Variants in MAP3K7CL observed in about 807,000 individuals in gnomAD.
MAP3K7CL encodes the protein MAP3K7 C-terminal-like protein.
MAP3K7CL carries 16 observed loss-of-function variants against 18.6 expected under a neutral mutation model. The observed-to-expected ratio is 0.86, with a 90% confidence interval of 0.58 to 1.31. MAP3K7CL has a LOEUF of 1.31. MAP3K7CL is among the 50% of genes most tolerant of loss of function. MAP3K7CL has a pLI of 0.00. For synonymous variants in MAP3K7CL, 65 were observed against 66.8 expected (o/e 0.97, Z 0.13); for missense variants, 163 against 174.4 (o/e 0.93, Z 0.37).
intron 4 of MAP3K7CL, among the ~76,000 whole-genome samples, chr21:29,164,134 A>G (rs73897267): frequency 0.031 from 4,655 of 152,218 alleles, 204 homozygotes; most frequent in African/African-American, 0.096. Flanking sequence ...TACATTGTTA[A>G]ATTGGGAAAT....
At chr21:29,134,323 A>G (rs542353565) in intron 2 of MAP3K7CL, among the ~76,000 whole-genome samples, 2 of 151,902 alleles carry the variant, frequency 1.3e-5, no homozygotes, top group South Asian at 4.2e-4. Flanking sequence ...TTTTGAGACC[A>G]CCCTGGGCAA....
At chr21:29,107,687 A>G (rs1302696424) in intron 4 of MAP3K7CL, among the ~76,000 whole-genome samples, 1 of 152,198 alleles carries the variant, frequency 6.6e-6, no homozygotes, top group Non-Finnish European at 1.5e-5. Context: ...AGTTATGAAA[A>G]AAATAGGGAC....
At chr21:29,169,313 C>G (rs2087767704) in intron 4 of MAP3K7CL, among the ~76,000 whole-genome samples, 1 of 152,194 alleles carries the variant, frequency 6.6e-6, no homozygotes, top group South Asian at 2.1e-4. Flanking sequence ...AGCATTTGTA[C>G]AGCTTCAACA....
At chr21:29,102,865 T>A (rs7284006) in intron 4 of MAP3K7CL, among the ~76,000 whole-genome samples, 57,718 of 151,990 alleles carry the variant, frequency 0.38, 12,253 homozygotes, top group South Asian at 0.52. Flanking sequence ...GAGGGGTCCA[T>A]GTAATGAGGA....
intron 3 of MAP3K7CL, among the ~76,000 whole-genome samples, chr21:29,152,440 T>A (rs573405593): frequency 6.6e-6 from 1 of 152,360 alleles, no homozygotes; most frequent in Non-Finnish European, 1.5e-5. Flanking sequence ...TACACAGTAA[T>A]GGCTCTTGGA....
chr21:29,097,332 A>T (rs2086140772), intron 4 of MAP3K7CL, among the ~76,000 whole-genome samples: 1 of 152,174 alleles, frequency 6.6e-6, no homozygotes, highest in East Asian at 1.9e-4. Context: ...AGGGTAGTAG[A>T]TAGATATTTA....
At chr21:29,150,837 T>C (rs1049121977) in intron 3 of MAP3K7CL, among the ~76,000 whole-genome samples, 3 of 150,288 alleles carry the variant, frequency 2.0e-5, no homozygotes, top group Non-Finnish European at 3.0e-5. Flanking sequence ...TGATGTGATC[T>C]CGGCTCACTG....
chr21:29,111,914 A>C (rs1039106098), intron 4 of MAP3K7CL, among the ~76,000 whole-genome samples: 1 of 152,162 alleles, frequency 6.6e-6, no homozygotes, highest in Admixed American at 6.5e-5. Context: ...GCCAGCTCTC[A>C]TTCTTATGTC....
At chr21:29,108,929 A>G in intron 4 of MAP3K7CL, 1 of 968,550 alleles carries the variant, frequency 1.0e-6, no homozygotes. Context: ...AGTCAAAATG[A>G]GAAATGCATG....
chr21:29,103,785 C>T (rs1831646161), intron 4 of MAP3K7CL, among the ~76,000 whole-genome samples: 1 of 151,390 alleles, frequency 6.6e-6, no homozygotes, highest in African/African-American at 2.4e-5. Context: ...GTAGTCCCAG[C>T]TACTCAGGGA....
upstream of MAP3K7CL, among the ~76,000 whole-genome samples, chr21:29,127,481 C>G (rs1298677446): frequency 2.0e-5 from 3 of 152,124 alleles, no homozygotes; most frequent in Non-Finnish European, 2.9e-5. Context: ...ATTTGTTACT[C>G]TCTTGAAAGT....
chr21:29,080,073 TTATTTCAGGTGACTTGAGAGAGAAGG>T, intron 1 of MAP3K7CL, among the ~76,000 whole-genome samples: 1 of 152,326 alleles, frequency 6.6e-6, no homozygotes, highest in South Asian at 2.1e-4. Flanking sequence ...GATGAAATCT[TTATTTCAGGTGACTTGAGAGAGAAGG>T]TTCTCTTGAG....
chr21:29,086,841 T>A (rs1192065967), intron 1 of MAP3K7CL, among the ~76,000 whole-genome samples: 1 of 152,220 alleles, frequency 6.6e-6, no homozygotes, highest in Admixed American at 6.5e-5. Context: ...ATATCAACAA[T>A]GATTATGATG....
chr21:29,122,765 C>T (rs560057674), intron 4 of MAP3K7CL, among the ~76,000 whole-genome samples: 7 of 152,052 alleles, frequency 4.6e-5, no homozygotes, highest in Non-Finnish European at 8.8e-5. Flanking sequence ...AGGCAACATT[C>T]GGGTGGGAAA....
intron 4 of MAP3K7CL, chr21:29,109,162 T>C (rs1448108970): frequency 1.3e-6 from 2 of 1,535,434 alleles, no homozygotes; most frequent in African/African-American, 1.4e-5. Context: ...CCTAACGCCC[T>C]TTCCACCAGT....
chr21:29,168,042 A>G (rs1056240625), intron 4 of MAP3K7CL, among the ~76,000 whole-genome samples: 19 of 152,152 alleles, frequency 1.2e-4, no homozygotes, highest in Non-Finnish European at 2.4e-4. Context: ...CCTTCAGGGT[A>G]TGACTTTCTT....
intron 3 of MAP3K7CL, among the ~76,000 whole-genome samples, chr21:29,154,835 C>T (rs1244447642): frequency 6.6e-6 from 1 of 152,130 alleles, no homozygotes; most frequent in Non-Finnish European, 1.5e-5. Context: ...TTGCTGTGTC[C>T]ACACAGAAAA....
At chr21:29,105,410 A>G (rs961617242) in intron 4 of MAP3K7CL, among the ~76,000 whole-genome samples, 4 of 152,266 alleles carry the variant, frequency 2.6e-5, no homozygotes, top group Admixed American at 1.3e-4. Flanking sequence ...AACCAAGATG[A>G]TAAGGATGAG....
chr21:29,174,109 C>T (rs2087908663), intron 4 of MAP3K7CL, among the ~76,000 whole-genome samples: 1 of 152,198 alleles, frequency 6.6e-6, no homozygotes, highest in South Asian at 2.1e-4. Context: ...GTAGCTTCAG[C>T]CTGCTTCCTC....
Sources: gnomAD v4.1 joint callset for allele counts (sites outside exome capture counted in the v4.1 genomes callset) on GRCh38, gnomAD v4.1.1 for gene constraint, MANE v1.5 for transcripts, NCBI Gene and HGNC (gene_info 2026-07-23, HGNC 2026-07-21) for gene names.